Variants in FAM171A1 observed in about 807,000 individuals in gnomAD.
The protein encoded by FAM171A1 is protein FAM171A1.
FAM171A1 carries 23 observed loss-of-function variants against 74.9 expected under a neutral mutation model. The observed-to-expected ratio is 0.31, with a 90% confidence interval of 0.22 to 0.44. The LOEUF is 0.44. Ranked by LOEUF, FAM171A1 falls within the 20% of genes least tolerant of loss-of-function variation. FAM171A1 has a pLI of 1.00. For missense variants in FAM171A1, 1,162 were observed against 1,159.2 expected (o/e 1.00, Z -0.03); for synonymous variants, 527 against 505.7 (o/e 1.04, Z -0.57).
At chr10:15,316,539 C>T (rs1835424315) in intron 1 of FAM171A1, among the ~76,000 whole-genome samples, 1 of 152,152 alleles carries the variant, frequency 6.6e-6, no homozygotes, top group African/African-American at 2.4e-5. Context: ...CCAGACCTTC[C>T]AAGATGCTGA....
At chr10:15,275,176 C>T (rs1251971184) in intron 3 of FAM171A1, among the ~76,000 whole-genome samples, 1 of 152,078 alleles carries the variant, frequency 6.6e-6, no homozygotes, top group Non-Finnish European at 1.5e-5. Flanking sequence ...GGGTGCAGTA[C>T]ACCAACATGG....
chr10:15,292,080 C>G (rs1835108262), intron 1 of FAM171A1, among the ~76,000 whole-genome samples: 2 of 152,152 alleles, frequency 1.3e-5, no homozygotes, highest in African/African-American at 4.8e-5. Context: ...GATTAGGTAT[C>G]TGGTGAGGGC....
intron 5 of FAM171A1, 66 bp downstream of exon 5, chr10:15,248,573 A>G (rs1834464099): frequency 6.7e-7 from 1 of 1,492,022 alleles, no homozygotes; most frequent in South Asian, 1.4e-5. Flanking sequence ...TGAGCTTCTT[A>G]GAAGGAAAAC....
chr10:15,362,944 A>G (rs776921737), intron 1 of FAM171A1, among the ~76,000 whole-genome samples: 6 of 152,216 alleles, frequency 3.9e-5, no homozygotes, highest in Admixed American at 3.9e-4. Context: ...AATCAAGCTT[A>G]TGCAAAAAAT....
In FAM171A1 at chr10:15,371,168, C is replaced by T; in HGVS notation, c.-116G>A. The T allele has an allele frequency of 4.1e-6, 1 of 245,068 alleles. No individual in the cohort carries two copies. Among genetic ancestry groups the T allele is most frequent in the South Asian group, 1.4e-4 (1 of 7,280 alleles). 15.2% of individuals were successfully genotyped at this position (245,068 alleles called of 1,614,324 possible). A position where few individuals can be genotyped will look rare whatever the true frequency, so the allele number is the denominator to read the frequency against. On this transcript the variant is annotated 5_prime_UTR_variant, in exon 1 of 8. Transcript: ENST00000378116. ...ATGTCGCTGGCTCCGCGCGCCGGGC[C>T]CGCCGCCCGATTGGCCCGGCCCCGC...
At position 15,214,259 on chromosome 10, in the gene FAM171A1, G is replaced by A. The variant is rs747441428; in HGVS notation, c.1329C>T (p.Ser443=). The part of the protein sequence containing the change: ...SCKEEDKSQI[S]FDNLTPSGTL... ...TCCCACTTGGAGTGAGGTTATCAAA[G>A]GAGATCTGGCTTTTATCCTCTTCCT... Residue 443 remains serine (S), a synonymous_variant, in exon 8 of 8, where the codon TCC becomes TCT. Transcript: ENST00000378116. 3 of 1,614,138 alleles carry A rather than the reference G, an allele frequency of 1.9e-6. No individual in the cohort carries two copies. The highest frequency in any genetic ancestry group is 8.5e-7 in the Non-Finnish European group (1 of 1,180,030).
intron 1 of FAM171A1, among the ~76,000 whole-genome samples, chr10:15,354,627 C>T (rs531321722): frequency 3.9e-5 from 6 of 152,320 alleles, no homozygotes; most frequent in African/African-American, 1.4e-4. Flanking sequence ...CTTTCTCCAA[C>T]AGCACTTCAC....
chr10:15,296,373 T>C (rs1835161244), intron 1 of FAM171A1, among the ~76,000 whole-genome samples: 1 of 152,188 alleles, frequency 6.6e-6, no homozygotes, highest in South Asian at 2.1e-4. Flanking sequence ...ATATATCATA[T>C]ACTTTATTAA....
chr10:15,281,371 C>T lies in FAM171A1; in HGVS notation c.325+2507G>A, dbSNP rs1052949448. Reference sequence around the variant, plus strand: ...AAGGCAAAGCGCAGAAAAATAATCACAGACATGGGAAGATTTTTAGAAATT... The same window carrying T: ...AAGGCAAAGCGCAGAAAAATAATCATAGACATGGGAAGATTTTTAGAAATT... On this transcript the variant is annotated intron_variant, in intron 2 of 7. Transcript: ENST00000378116. Among the ~76,000 whole-genome samples the T allele has an allele frequency of 6.6e-5, 10 of 152,284 alleles. No homozygotes were observed. In the South Asian group the frequency reaches 2.1e-3, roughly 32 times the overall value.
chr10:15,215,947 C>A, intron 7 of FAM171A1, 49 bp downstream of exon 7: 2 of 1,284,892 alleles, frequency 1.6e-6, no homozygotes, highest in Non-Finnish European at 2.2e-6. Context: ...ATCAATTGCC[C>A]AAGAAACTGT....
intron 2 of FAM171A1, 68 bp from the exon 3 acceptor site, chr10:15,276,015 G>A: frequency 4.6e-6 from 5 of 1,098,096 alleles, no homozygotes; most frequent in South Asian, 2.8e-5. Flanking sequence ...TCTAATTTTT[G>A]GGATACTCTG....
At chr10:15,316,356 C>T (rs930847075) in intron 1 of FAM171A1, among the ~76,000 whole-genome samples, 2 of 152,216 alleles carry the variant, frequency 1.3e-5, no homozygotes, top group African/African-American at 2.4e-5. Context: ...GGCCTCCTTC[C>T]CTCACCAGGC....
At chr10:15,248,846 C>T (rs759142263) in intron 4 of FAM171A1, 31 bp from the exon 5 acceptor site, 6 of 1,583,720 alleles carry the variant, frequency 3.8e-6, no homozygotes, top group Non-Finnish European at 8.6e-7. Flanking sequence ...CCATCATTTG[C>T]ATGCAAAGTA....
At chr10:15,218,105 A>G (rs1051621706) in intron 6 of FAM171A1, among the ~76,000 whole-genome samples, 2 of 151,696 alleles carry the variant, frequency 1.3e-5, no homozygotes, top group Non-Finnish European at 2.9e-5. Flanking sequence ...TTTGAGATGG[A>G]GTCTCACTCT....
At chr10:15,289,697 C>T (rs1214973791) in intron 1 of FAM171A1, among the ~76,000 whole-genome samples, 1 of 152,234 alleles carries the variant, frequency 6.6e-6, no homozygotes, top group Non-Finnish European at 1.5e-5. Context: ...TCCCCACTGT[C>T]ACCTGTACCA....
intron 1 of FAM171A1, among the ~76,000 whole-genome samples, chr10:15,309,857 A>T (rs1215352365): frequency 6.6e-6 from 1 of 152,216 alleles, no homozygotes; most frequent in Non-Finnish European, 1.5e-5. Context: ...AACACAGCAA[A>T]CTTTCAGTGA....
intron 1 of FAM171A1, among the ~76,000 whole-genome samples, chr10:15,297,368 G>C (rs1835174074): frequency 6.6e-6 from 1 of 152,054 alleles, no homozygotes; most frequent in Non-Finnish European, 1.5e-5. Context: ...TGCCATCACA[G>C]TCTTGATAGA....
chr10:15,345,493 C>T (rs1011864659), intron 1 of FAM171A1, among the ~76,000 whole-genome samples: 1 of 152,168 alleles, frequency 6.6e-6, no homozygotes, highest in African/African-American at 2.4e-5. Flanking sequence ...AGCAAAAACA[C>T]CCTAGAAGAG....
chr10:15,272,278 G>A (rs1030937818), intron 3 of FAM171A1, among the ~76,000 whole-genome samples: 5 of 152,050 alleles, frequency 3.3e-5, no homozygotes, highest in East Asian at 1.9e-4. Context: ...AACCAACAAA[G>A]ATCAAAAGAG....
Sources: allele counts gnomAD v4.1 joint callset (sites outside exome capture counted in the v4.1 genomes callset), GRCh38; gene constraint gnomAD v4.1.1; transcripts MANE v1.5; gene names NCBI Gene and HGNC (gene_info 2026-07-23, HGNC 2026-07-21).